SCHIP1: variants seen among roughly 807,000 people sequenced by gnomAD.
SCHIP1 encodes schwannomin-interacting protein 1.
Under a neutral mutation model 29.7 loss-of-function variants are expected in SCHIP1, and 8 were observed. That is an observed-to-expected ratio of 0.27 (90% CI 0.16 to 0.49). The LOEUF (loss-of-function observed/expected upper bound fraction) is 0.49, where lower values mean the gene tolerates loss of function less well. Among genes scored for constraint, SCHIP1 ranks in the 20% least tolerant of loss-of-function variants. SCHIP1 has a pLI of 0.99. For synonymous variants in SCHIP1, 76 were observed against 94.9 expected, an observed-to-expected ratio of 0.80 and a Z score of 1.16; for missense variants, 193 against 294.6, an observed-to-expected ratio of 0.66 and a Z score of 2.52.
chr3:159,493,286 A>C, the SCHIP1 span, among the ~76,000 whole-genome samples: 1 of 152,250 alleles, frequency 6.6e-6, no homozygotes. Context: ...TAAATGCTCC[A>C]ATTAAAAAGC....
chr3:159,563,315 G>A, the SCHIP1 span, among the ~76,000 whole-genome samples: 35 of 151,974 alleles, frequency 2.3e-4, no homozygotes, highest in Non-Finnish European at 3.7e-4. Flanking sequence ...ACAATGTTAC[G>A]TAAGAGGAAT....
intron 1 of SCHIP1, among the ~76,000 whole-genome samples, chr3:159,858,836 G>A (rs555049289): frequency 6.6e-6 from 1 of 152,262 alleles, no homozygotes; most frequent in South Asian, 2.1e-4. Flanking sequence ...CCTTACTGTT[G>A]CCCAGCAGCC....
chr3:159,643,424 AAC>A, the SCHIP1 span, among the ~76,000 whole-genome samples: 23 of 152,198 alleles, frequency 1.5e-4, no homozygotes, highest in African/African-American at 5.5e-4. Context: ...ACAGAGTACC[AAC>A]AGACTCATTT....
At chr3:159,307,556 A>T in the SCHIP1 span, among the ~76,000 whole-genome samples, 1 of 152,132 alleles carries the variant, frequency 6.6e-6, no homozygotes, top group Admixed American at 6.6e-5. Flanking sequence ...TTGCTGTGCA[A>T]AAGCTCTTTA....
At chr3:159,458,571 T>G in the SCHIP1 span, among the ~76,000 whole-genome samples, 6 of 152,120 alleles carry the variant, frequency 3.9e-5, no homozygotes, top group South Asian at 1.2e-3. Flanking sequence ...TTTCTTTTTT[T>G]TTTTTTTAAA....
the SCHIP1 span, among the ~76,000 whole-genome samples, chr3:159,421,344 A>T: frequency 6.6e-6 from 1 of 152,196 alleles, no homozygotes; most frequent in Admixed American, 6.5e-5. Context: ...ACAAACTTCA[A>T]ATATTTGAGG....
At chr3:159,844,263 T>C (rs1711518676) in intron 1 of SCHIP1, among the ~76,000 whole-genome samples, 1 of 152,218 alleles carries the variant, frequency 6.6e-6, no homozygotes, top group Non-Finnish European at 1.5e-5. Flanking sequence ...GATGATTTGT[T>C]TTGAAAAAGA....
At chr3:159,716,681 A>G in the SCHIP1 span, among the ~76,000 whole-genome samples, 1 of 152,196 alleles carries the variant, frequency 6.6e-6, no homozygotes, top group Non-Finnish European at 1.5e-5. Flanking sequence ...TTCAACAAGA[A>G]GCGCTAACTA....
At chr3:159,388,998 C>T in the SCHIP1 span, among the ~76,000 whole-genome samples, 1 of 151,886 alleles carries the variant, frequency 6.6e-6, no homozygotes, top group South Asian at 2.1e-4. Context: ...TCGTAAGACA[C>T]CATACAATCC....
At chr3:159,580,289 C>T in the SCHIP1 span, among the ~76,000 whole-genome samples, 1 of 152,198 alleles carries the variant, frequency 6.6e-6, no homozygotes, top group Admixed American at 6.5e-5. Flanking sequence ...AATCCAAGGC[C>T]CTATTTTGTC....
the SCHIP1 span, among the ~76,000 whole-genome samples, chr3:159,381,281 C>T: frequency 6.6e-6 from 1 of 152,120 alleles, no homozygotes; most frequent in Non-Finnish European, 1.5e-5. Context: ...CTGTTTGTAA[C>T]CCTGATGCAC....
At chr3:159,437,374 G>T in the SCHIP1 span, among the ~76,000 whole-genome samples, 1 of 152,016 alleles carries the variant, frequency 6.6e-6, no homozygotes, top group Non-Finnish European at 1.5e-5. Flanking sequence ...CCTCCTCTAG[G>T]ATTTTTTTCT....
At chr3:159,688,221 T>C in the SCHIP1 span, among the ~76,000 whole-genome samples, 11 of 152,172 alleles carry the variant, frequency 7.2e-5, no homozygotes, top group African/African-American at 1.9e-4. Flanking sequence ...CCACCAACAG[T>C]GTAAAAGTGT....
the SCHIP1 span, among the ~76,000 whole-genome samples, chr3:159,359,382 C>T: frequency 6.6e-6 from 1 of 151,976 alleles, no homozygotes; most frequent in Non-Finnish European, 1.5e-5. Flanking sequence ...TTTGCCCTGC[C>T]TTTCTGATGG....
At chr3:159,832,304 A>G in the SCHIP1 span, among the ~76,000 whole-genome samples, 247 of 152,262 alleles carry the variant, frequency 1.6e-3, 2 homozygotes, top group African/African-American at 5.6e-3. Flanking sequence ...CCAAGACTGA[A>G]TGAATGCCTG....
At chr3:159,356,796 A>G in the SCHIP1 span, among the ~76,000 whole-genome samples, 1 of 152,234 alleles carries the variant, frequency 6.6e-6, no homozygotes, top group Non-Finnish European at 1.5e-5. Context: ...AGCAATTCAC[A>G]TGGAGGCAGA....
chr3:159,680,805 G>T, the SCHIP1 span, among the ~76,000 whole-genome samples: 1 of 119,458 alleles, frequency 8.4e-6, no homozygotes, highest in African/African-American at 3.0e-5. Context: ...AATATTCTTT[G>T]GGGTTTTACC....
chr3:159,759,822 CTAA>C, the SCHIP1 span, among the ~76,000 whole-genome samples: 2 of 152,160 alleles, frequency 1.3e-5, no homozygotes, highest in South Asian at 4.2e-4. Flanking sequence ...AGCATCGGGG[CTAA>C]TAATATAAGA....
the SCHIP1 span, among the ~76,000 whole-genome samples, chr3:159,276,597 G>A: frequency 6.6e-6 from 1 of 152,094 alleles, no homozygotes; most frequent in Non-Finnish European, 1.5e-5. Flanking sequence ...ATTACATGAT[G>A]GACCTAACTA....
Sources: allele counts gnomAD v4.1 joint callset (sites outside exome capture counted in the v4.1 genomes callset), GRCh38; gene constraint gnomAD v4.1.1; transcripts MANE v1.5; gene names NCBI Gene and HGNC (gene_info 2026-07-23, HGNC 2026-07-21).